Variants in ANO6 observed in about 807,000 individuals in gnomAD.
The protein encoded by ANO6 is anoctamin-6.
Under a neutral mutation model 117.5 loss-of-function variants are expected in ANO6, and 106 were observed. The observed-to-expected ratio is 0.90, with a 90% confidence interval of 0.77 to 1.06. The LOEUF (loss-of-function observed/expected upper bound fraction) is 1.06, where lower values mean the gene tolerates loss of function less well. Ranked by LOEUF, ANO6 falls within the 50% of genes least tolerant of loss-of-function variation. ANO6 has a pLI of 0.00. For missense variants in ANO6, 955 were observed against 1,121.1 expected (o/e 0.85, Z 2.12); for synonymous variants, 367 against 385.1 (o/e 0.95, Z 0.55).
intron 15 of ANO6, among the ~76,000 whole-genome samples, chr12:45,408,217 G>C (rs1415107205): frequency 6.6e-6 from 1 of 152,200 alleles, no homozygotes; most frequent in East Asian, 1.9e-4. Context: ...CTCATTGTCA[G>C]AGTTTGAAGT....
chr12:45,272,242 A>G (rs891577498), intron 1 of ANO6, among the ~76,000 whole-genome samples: 2 of 151,976 alleles, frequency 1.3e-5, no homozygotes, highest in Non-Finnish European at 2.9e-5. Context: ...TTTAACAAAA[A>G]CTACTAATGA....
At chr12:45,257,709 T>C (rs942337397) in intron 1 of ANO6, among the ~76,000 whole-genome samples, 1 of 152,228 alleles carries the variant, frequency 6.6e-6, no homozygotes, top group Non-Finnish European at 1.5e-5. Flanking sequence ...TCTTAGTTTG[T>C]GTTTCAGCCT....
At chr12:45,323,951 T>TC (rs1229689372) in intron 2 of ANO6, among the ~76,000 whole-genome samples, 2 of 149,712 alleles carry the variant, frequency 1.3e-5, no homozygotes, top group Non-Finnish European at 3.0e-5. Context: ...TTTTTTTTTT[T>TC]TTTGAGACAG....
intron 12 of ANO6, among the ~76,000 whole-genome samples, chr12:45,400,695 T>C (rs1942762207): frequency 6.6e-6 from 1 of 152,198 alleles, no homozygotes; most frequent in Non-Finnish European, 1.5e-5. Flanking sequence ...GTGGAGCTTG[T>C]ACTCAAATAG....
intron 1 of ANO6, chr12:45,228,123 G>GT (rs57127691): frequency 0.011 from 2,976 of 282,972 alleles, 3 homozygotes; most frequent in South Asian, 0.012. Context: ...TTTTTGTGTT[G>GT]TTTTTTTTTT....
intron 2 of ANO6, among the ~76,000 whole-genome samples, chr12:45,320,339 A>C (rs886594086): frequency 2.0e-5 from 3 of 152,124 alleles, no homozygotes; most frequent in African/African-American, 4.8e-5. Flanking sequence ...CGTTGGTTTC[A>C]AAGAACATCT....
intron 15 of ANO6, among the ~76,000 whole-genome samples, chr12:45,406,997 C>G (rs1214880991): frequency 1.3e-5 from 2 of 152,088 alleles, no homozygotes; most frequent in African/African-American, 4.8e-5. Flanking sequence ...TTTTGTAACC[C>G]CTGCTTCTAG....
At chr12:45,407,252 A>T (rs1942958729) in intron 15 of ANO6, among the ~76,000 whole-genome samples, 1 of 152,196 alleles carries the variant, frequency 6.6e-6, no homozygotes, top group African/African-American at 2.4e-5. Context: ...TGACACAAGT[A>T]GTTGCCAGGA....
chr12:45,274,159 C>T (rs533999587), intron 1 of ANO6, among the ~76,000 whole-genome samples: 1 of 152,306 alleles, frequency 6.6e-6, no homozygotes, highest in African/African-American at 2.4e-5. Context: ...TCTTCCCCAT[C>T]TCCACTCCTT....
chr12:45,420,968 T>C (rs1414160582), intron 17 of ANO6, 103 bp from the exon 18 acceptor site: 38 of 1,271,040 alleles, frequency 3.0e-5, no homozygotes, highest in Non-Finnish European at 4.2e-5. Context: ...GAGGTTGCAG[T>C]GAGCCGAGAT....
Position 45,342,668 on chromosome 12 carries a change from C to T in ANO6, c.280-4354C>T, listed in dbSNP as rs73281505. 6.2e-3 allele frequency among the ~76,000 whole-genome samples: 942 copies of T among 152,270 alleles called. 10 individuals carry two copies. Among genetic ancestry groups the T allele is most frequent in the African/African-American group, 0.022 (902 of 41,568 alleles). On this transcript the variant is annotated intron_variant, in intron 3 of 19. Coordinates refer to ENST00000320560, the MANE Select transcript of ANO6 (RefSeq NM_001025356.3). ...TCATTCCGGCTTAACAGGCAGTCAT[C>T]GATCCACTATTCACTCAGTTTATTC...
At chr12:45,440,088 G>A (rs753684545) in exon 20 of ANO6, 4 of 759,390 alleles carry the variant, frequency 5.3e-6, no homozygotes, top group Non-Finnish European at 7.3e-6. Context: ...AATCGTATTT[G>A]AGCTGCAACC....
At chr12:45,220,189 A>G (rs1349716464) in intron 1 of ANO6, among the ~76,000 whole-genome samples, 1 of 152,088 alleles carries the variant, frequency 6.6e-6, no homozygotes, top group Non-Finnish European at 1.5e-5. Context: ...AAAAAAGACT[A>G]TCAGGAACTA....
chr12:45,359,105 A>G (rs1343294836), intron 8 of ANO6, among the ~76,000 whole-genome samples: 1 of 152,196 alleles, frequency 6.6e-6, no homozygotes. Flanking sequence ...TTTTAAAAAT[A>G]ACAGTTATAT....
chr12:45,337,227 C>T (rs1040923035), intron 3 of ANO6, among the ~76,000 whole-genome samples: 51 of 152,166 alleles, frequency 3.4e-4, no homozygotes, highest in African/African-American at 1.2e-3. Context: ...TCCATGCCTG[C>T]AAGCTCCATT....
At chr12:45,383,197 C>T (rs1457691345) in intron 10 of ANO6, 1 of 208,826 alleles carries the variant, frequency 4.8e-6, no homozygotes, top group Non-Finnish European at 9.5e-6. Flanking sequence ...CTTTGCAGAT[C>T]CATAGAAAGC....
chr12:45,418,613 A>G (rs73281599), intron 17 of ANO6, among the ~76,000 whole-genome samples: 2,008 of 151,894 alleles, frequency 0.013, 37 homozygotes, highest in African/African-American at 0.046. Flanking sequence ...GTTGACTCAA[A>G]CTCTCCCTAT....
At chr12:45,372,698 GCTC>G (rs2137525618) in intron 9 of ANO6, among the ~76,000 whole-genome samples, 1 of 152,082 alleles carries the variant, frequency 6.6e-6, no homozygotes, top group Admixed American at 6.5e-5. Flanking sequence ...CCCTAAAAGA[GCTC>G]CTGAAGGAAG....
chr12:45,393,958 G>A (rs7138332), intron 12 of ANO6, among the ~76,000 whole-genome samples: 12,110 of 152,104 alleles, frequency 0.08, 770 homozygotes, highest in African/African-American at 0.17. Flanking sequence ...AATAAGCAGC[G>A]AATGTCATAA....
Sources: allele counts gnomAD v4.1 joint callset (sites outside exome capture counted in the v4.1 genomes callset), GRCh38; gene constraint gnomAD v4.1.1; transcripts MANE v1.5; gene names NCBI Gene and HGNC (gene_info 2026-07-23, HGNC 2026-07-21).